PXDNL: variants seen among roughly 807,000 people sequenced by gnomAD.
PXDNL encodes probable oxidoreductase PXDNL.
PXDNL carries 145 observed loss-of-function variants against 150.8 expected under a neutral mutation model. That is an observed-to-expected ratio of 0.96 (90% CI 0.84 to 1.10). The LOEUF is 1.10. Among genes scored for constraint, PXDNL ranks in the 50% least tolerant of loss-of-function variants. The pLI, the probability that PXDNL is intolerant of heterozygous loss-of-function variation, is 0.00. For synonymous variants in PXDNL, 757 were observed against 725.7 expected, an observed-to-expected ratio of 1.04 and a Z score of -0.69; for missense variants, 2,087 against 1,873.9, an observed-to-expected ratio of 1.11 and a Z score of -2.10.
intron 4 of PXDNL, among the ~76,000 whole-genome samples, chr8:51,552,163 T>C (rs372823315): frequency 1.3e-5 from 2 of 152,030 alleles, no homozygotes; most frequent in Admixed American, 6.6e-5. Flanking sequence ...CATAATGTAA[T>C]TAAAAAACCA....
At chr8:51,809,098 G>T in intron 1 of PXDNL, 83 bp downstream of exon 1, 1 of 1,439,856 alleles carries the variant, frequency 6.9e-7, no homozygotes, top group Non-Finnish European at 9.6e-7. Flanking sequence ...ATTAGGAATC[G>T]TAAATTAAAA....
intron 3 of PXDNL, among the ~76,000 whole-genome samples, chr8:51,557,615 GAAACCTT>G (rs1223581679): frequency 6.6e-6 from 1 of 152,058 alleles, no homozygotes; most frequent in Non-Finnish European, 1.5e-5. Flanking sequence ...CAGAATTCCT[GAAACCTT>G]CTATCAAGTG....
intron 1 of PXDNL, among the ~76,000 whole-genome samples, chr8:51,723,315 G>T (rs1251005636): frequency 6.6e-6 from 1 of 152,310 alleles, no homozygotes; most frequent in East Asian, 1.9e-4. Context: ...TTCAAATCCA[G>T]ACTCGAATTT....
At position 51,611,226 on chromosome 8, in the gene PXDNL, G is replaced by A. The variant is rs563478947; in HGVS notation, c.237-18528C>T. On this transcript the variant is annotated intron_variant, in intron 2 of 22. Coordinates refer to ENST00000356297, the MANE Select transcript of PXDNL (RefSeq NM_144651.5). ...AATATTTAATAAAAACGTTAAACATGAAAAAACTATGTTTTATTTAGGGAT... is the reference window on the plus strand; with the variant it reads ...AATATTTAATAAAAACGTTAAACATAAAAAAACTATGTTTTATTTAGGGAT... Among the ~76,000 whole-genome samples, 380 of 152,154 alleles carry A rather than the reference G, an allele frequency of 2.5e-3. 3 individuals are homozygous for A. The highest frequency in any genetic ancestry group is 5.0e-3 in the Non-Finnish European group (341 of 67,992).
chr8:51,536,283 A>G (rs937312772), intron 4 of PXDNL, among the ~76,000 whole-genome samples: 2 of 152,344 alleles, frequency 1.3e-5, no homozygotes, highest in Middle Eastern at 3.4e-3. Context: ...AGAGAAAAAA[A>G]CCTTGTACTA....
chr8:51,500,226 A>G (rs1342087112), intron 4 of PXDNL, among the ~76,000 whole-genome samples: 2 of 152,234 alleles, frequency 1.3e-5, no homozygotes, highest in Non-Finnish European at 2.9e-5. Flanking sequence ...ATTTGATGTC[A>G]TATGATCATC....
chr8:51,565,321 A>AATAAATAGATAG (rs569762504), intron 3 of PXDNL, among the ~76,000 whole-genome samples: 2,358 of 135,376 alleles, frequency 0.017, 22 homozygotes, highest in Non-Finnish European at 0.023. Flanking sequence ...TAAATAAATA[A>AATAAATAGATAG]ATAGATAGAT....
chr8:51,756,643 A>G (rs1200052829), intron 1 of PXDNL, among the ~76,000 whole-genome samples: 1 of 152,126 alleles, frequency 6.6e-6, no homozygotes, highest in Non-Finnish European at 1.5e-5. Flanking sequence ...CTTATATTTT[A>G]CAGCTATGTT....
intron 8 of PXDNL, among the ~76,000 whole-genome samples, chr8:51,459,809 C>T (rs986749412): frequency 2.6e-5 from 4 of 152,072 alleles, no homozygotes; most frequent in Non-Finnish European, 5.9e-5. Flanking sequence ...TACAAATAAA[C>T]ATATTTGATT....
chr8:51,735,555 T>TGTTTTTTTTTGAGACGGAGTCTCGCTCTG (rs1257951995), intron 1 of PXDNL, among the ~76,000 whole-genome samples: 1 of 114,712 alleles, frequency 8.7e-6, no homozygotes, highest in Non-Finnish European at 1.8e-5. Context: ...TTTTTTTTTT[T>TGTTTTTTTTTGAGACGGAGTCTCGCTCTG]TTTTTTTTTG....
rs938036701 is a variant in PXDNL at position 51,482,391 on chromosome 8, G to A, written c.524+1252C>T. Among the ~76,000 whole-genome samples, 7 of 152,210 alleles carry A rather than the reference G, an allele frequency of 4.6e-5. No homozygotes were observed. The East Asian group carries it at 9.6e-4, about 21-fold the overall frequency. Reference sequence around the variant, plus strand: ...TAACTAACTTGCTTTTGATTTTACAGGCTCATAGGCAGAAGGGACTTGCCT... The same window carrying A: ...TAACTAACTTGCTTTTGATTTTACAAGCTCATAGGCAGAAGGGACTTGCCT... On this transcript the variant is annotated intron_variant, in intron 6 of 22. Coordinates refer to ENST00000356297, the MANE Select transcript of PXDNL (RefSeq NM_144651.5).
In PXDNL at chr8:51,433,872, T is replaced by C. The variant is rs1037518068; in HGVS notation, c.1526-7114A>G. Among the ~76,000 whole-genome samples the C allele has an allele frequency of 2.6e-5, 4 of 152,298 alleles. No individual in the cohort carries two copies. In the East Asian group the frequency reaches 7.7e-4, roughly 29 times the overall value. On this transcript the variant is annotated intron_variant, in intron 12 of 22. Coordinates refer to ENST00000356297, the MANE Select transcript of PXDNL (RefSeq NM_144651.5). ...CAACATATATTCCATTGTAAGTCAGTATTTAATTGTATAATTTTATTCAAT... is the reference window on the plus strand; with the variant it reads ...CAACATATATTCCATTGTAAGTCAGCATTTAATTGTATAATTTTATTCAAT...
intron 20 of PXDNL, among the ~76,000 whole-genome samples, chr8:51,345,569 C>A (rs1341747508): frequency 6.6e-6 from 1 of 152,196 alleles, no homozygotes; most frequent in East Asian, 1.9e-4. Flanking sequence ...TTTAAGGGAT[C>A]AAAACTAGCA....
chr8:51,546,066 T>G (rs1812355213), intron 4 of PXDNL, among the ~76,000 whole-genome samples: 1 of 152,148 alleles, frequency 6.6e-6, no homozygotes, highest in Non-Finnish European at 1.5e-5. Flanking sequence ...CATTGTGAAC[T>G]CTTGCTTCAA....
At chr8:51,643,260 G>C (rs1423734651) in intron 2 of PXDNL, among the ~76,000 whole-genome samples, 1 of 152,164 alleles carries the variant, frequency 6.6e-6, no homozygotes, top group African/African-American at 2.4e-5. Flanking sequence ...AAAGAACAAA[G>C]CTGGAGGCAT....
chr8:51,778,144 G>C (rs2037372965), intron 1 of PXDNL, among the ~76,000 whole-genome samples: 5 of 151,876 alleles, frequency 3.3e-5, no homozygotes, highest in African/African-American at 7.3e-5. Flanking sequence ...AGACCATCCT[G>C]GCTAACACAA....
chr8:51,623,371 A>T (rs1238720020), intron 2 of PXDNL, among the ~76,000 whole-genome samples: 1 of 152,214 alleles, frequency 6.6e-6, no homozygotes. Context: ...TGTTAAAAAG[A>T]TCACATGAAT....
At chr8:51,457,713 T>A (rs1809967992) in intron 8 of PXDNL, 46 bp from the exon 9 acceptor site, 1 of 1,471,956 alleles carries the variant, frequency 6.8e-7, no homozygotes, top group Admixed American at 1.8e-5. Context: ...CCCATTCATG[T>A]TTAAAACTCT....
chr8:51,772,416 A>C (rs547481821), intron 1 of PXDNL, among the ~76,000 whole-genome samples: 1 of 152,218 alleles, frequency 6.6e-6, no homozygotes, highest in South Asian at 2.1e-4. Context: ...AGATTCTGAT[A>C]AACTATTTTG....
Sources: allele counts gnomAD v4.1 joint callset (sites outside exome capture counted in the v4.1 genomes callset), GRCh38; gene constraint gnomAD v4.1.1; transcripts MANE v1.5; gene names NCBI Gene and HGNC (gene_info 2026-07-23, HGNC 2026-07-21).